TRDN: variants seen among roughly 807,000 people sequenced by gnomAD.
TRDN encodes the protein triadin in skeletal muscle.
Under a neutral mutation model 149.7 loss-of-function variants are expected in TRDN, and 161 were observed. That is an observed-to-expected ratio of 1.08 (90% CI 0.95 to 1.23). The LOEUF (loss-of-function observed/expected upper bound fraction) is 1.23. Among genes scored for constraint, TRDN ranks in the 50% most tolerant of loss-of-function variants. TRDN has a pLI of 0.00. For missense variants in TRDN, 896 were observed against 823.5 expected, an observed-to-expected ratio of 1.09 and a Z score of -1.08; for synonymous variants, 294 against 250.5, an observed-to-expected ratio of 1.17 and a Z score of -1.64.
chr6:123,327,262 TTTAA>T (rs1779492155), intron 23 of TRDN, among the ~76,000 whole-genome samples: 1 of 152,066 alleles, frequency 6.6e-6, no homozygotes, highest in African/African-American at 2.4e-5. Context: ...TCCATATCAT[TTTAA>T]TTAAAGCAAT....
chr6:123,303,537 T>C (rs1234125109), intron 24 of TRDN, among the ~76,000 whole-genome samples: 1 of 152,110 alleles, frequency 6.6e-6, no homozygotes, highest in African/African-American at 2.4e-5. Flanking sequence ...TAGAAAGTCA[T>C]GGGCAGGTGG....
chr6:123,420,477 T>C (rs1001780271), intron 12 of TRDN, among the ~76,000 whole-genome samples: 2 of 152,166 alleles, frequency 1.3e-5, no homozygotes, highest in Non-Finnish European at 2.9e-5. Context: ...AGAGGATTAA[T>C]AGGTTTTATC....
At chr6:123,475,690 C>T (rs1359931153) in intron 9 of TRDN, among the ~76,000 whole-genome samples, 2 of 109,848 alleles carry the variant, frequency 1.8e-5, no homozygotes, top group Non-Finnish European at 3.6e-5. Flanking sequence ...TCCAGCAGCA[C>T]ATCAAAAAGC....
At chr6:123,602,740 C>T (rs1784335479) in intron 1 of TRDN, among the ~76,000 whole-genome samples, 1 of 151,968 alleles carries the variant, frequency 6.6e-6, no homozygotes, top group Admixed American at 6.6e-5. Flanking sequence ...GATAAACTTC[C>T]CTCTCCCTGC....
At chr6:123,415,785 C>T (rs1773624700) in intron 12 of TRDN, among the ~76,000 whole-genome samples, 1 of 152,092 alleles carries the variant, frequency 6.6e-6, no homozygotes, top group Non-Finnish European at 1.5e-5. Flanking sequence ...TTATTTATTC[C>T]CTACTATGTG....
chr6:123,499,719 A>AAAAAAAAATATAT, intron 8 of TRDN, among the ~76,000 whole-genome samples: 1 of 47,678 alleles, frequency 2.1e-5, no homozygotes, highest in African/African-American at 7.2e-5. Flanking sequence ...AAAAAAAAAA[A>AAAAAAAAATATAT]ATATATATAT....
At chr6:123,409,913 A>G (rs1035898158) in intron 12 of TRDN, among the ~76,000 whole-genome samples, 1 of 152,190 alleles carries the variant, frequency 6.6e-6, no homozygotes, top group African/African-American at 2.4e-5. Flanking sequence ...AAGGATTTGA[A>G]CAAAGAAGGC....
intron 1 of TRDN, among the ~76,000 whole-genome samples, chr6:123,606,650 G>A (rs968559872): frequency 2.0e-5 from 3 of 151,958 alleles, no homozygotes; most frequent in African/African-American, 7.3e-5. Flanking sequence ...ATATAAATGT[G>A]TCCATGCAGT....
In TRDN at chr6:123,219,987, C is replaced by T. The variant is rs149336601; in HGVS notation, c.2051-1247G>A. Among the ~76,000 whole-genome samples, 485 of 151,854 alleles carry T rather than the reference C, an allele frequency of 3.2e-3. 2 individuals are homozygous for T. Among genetic ancestry groups the T allele is most frequent in the Non-Finnish European group, 5.8e-3 (394 of 67,850 alleles). On this transcript the variant is annotated intron_variant, in intron 40 of 40. Coordinates refer to ENST00000334268, the MANE Select transcript of TRDN (RefSeq NM_006073.4). The stretch of plus-strand genomic sequence containing the variant: ...TTTAATTGATGTTGAATAAGCTACT[C>T]ATTAAAATATTATTATGACTGCAAA...
At chr6:123,382,974 T>C (rs1358984623) in intron 14 of TRDN, among the ~76,000 whole-genome samples, 1 of 152,114 alleles carries the variant, frequency 6.6e-6, no homozygotes, top group East Asian at 1.9e-4. Context: ...CTGTAAGAAC[T>C]TTTAAATTCT....
chr6:123,301,752 C>CATATATATATATATATAT (rs776895792), intron 24 of TRDN, among the ~76,000 whole-genome samples: 1 of 77,070 alleles, frequency 1.3e-5, no homozygotes, highest in Non-Finnish European at 2.6e-5. Context: ...TATATATATA[C>CATATATATATATATATAT]ATATATATAT....
intron 4 of TRDN, among the ~76,000 whole-genome samples, chr6:123,530,968 T>C (rs1780226146): frequency 6.6e-6 from 1 of 151,924 alleles, no homozygotes; most frequent in Non-Finnish European, 1.5e-5. Context: ...TAAGAATTTG[T>C]GAAATGAACT....
intron 10 of TRDN, among the ~76,000 whole-genome samples, chr6:123,447,095 C>G (rs1206110835): frequency 6.6e-6 from 1 of 151,920 alleles, no homozygotes; most frequent in Non-Finnish European, 1.5e-5. Context: ...CTTTCAGGCT[C>G]TGAATCCATT....
intron 24 of TRDN, among the ~76,000 whole-genome samples, chr6:123,312,023 C>T (rs779127538): frequency 1.1e-4 from 17 of 151,832 alleles, no homozygotes; most frequent in Non-Finnish European, 2.4e-4. Context: ...GAATGAGTAC[C>T]AGACAAAGAG....
At chr6:123,374,412 A>G (rs548169298) in intron 19 of TRDN, among the ~76,000 whole-genome samples, 1 of 152,268 alleles carries the variant, frequency 6.6e-6, no homozygotes, top group Non-Finnish European at 1.5e-5. Flanking sequence ...AAGCATTTCT[A>G]CAGACTAAGT....
intron 7 of TRDN, chr6:123,509,948 T>G (rs1442381625): frequency 6.6e-6 from 1 of 152,158 alleles, no homozygotes; most frequent in East Asian, 1.9e-4. Context: ...AATGTTTTTC[T>G]CTCTCTCTAG....
intron 19 of TRDN, among the ~76,000 whole-genome samples, chr6:123,374,270 G>A (rs964565089): frequency 6.6e-6 from 1 of 151,700 alleles, no homozygotes; most frequent in African/African-American, 2.4e-5. Context: ...TTTTTTTATT[G>A]CAAATGAATA....
At chr6:123,542,847 T>A (rs1278678542) in intron 4 of TRDN, among the ~76,000 whole-genome samples, 1 of 138,864 alleles carries the variant, frequency 7.2e-6, no homozygotes, top group African/African-American at 2.9e-5. Context: ...TCTCTGAGTG[T>A]GTGCATGTTT....
chr6:123,264,071 T>A (rs1776858554), intron 33 of TRDN, among the ~76,000 whole-genome samples: 2 of 152,102 alleles, frequency 1.3e-5, no homozygotes, highest in South Asian at 2.1e-4. Flanking sequence ...GAACACAACA[T>A]ACATTCTGCA....
Sources: allele counts gnomAD v4.1 joint callset (sites outside exome capture counted in the v4.1 genomes callset), GRCh38; gene constraint gnomAD v4.1.1; transcripts MANE v1.5; gene names NCBI Gene and HGNC (gene_info 2026-07-23, HGNC 2026-07-21).